The following TRIM24 variants were observed in gnomAD, a reference collection of about 807,000 sequenced individuals.
The protein encoded by TRIM24 is tripartite motif containing 24.
Under a neutral mutation model 123.9 loss-of-function variants are expected in TRIM24, and 29 were observed. The observed-to-expected ratio is 0.23, with a 90% CI of 0.17 to 0.32. The LOEUF is 0.32. Ranked by LOEUF, TRIM24 falls within the 10% of genes least tolerant of loss-of-function variation. TRIM24 has a pLI of 1.00. For synonymous variants in TRIM24, 456 were observed against 461.1 expected (o/e 0.99, Z 0.14); for missense variants, 932 against 1,295.3 (o/e 0.72, Z 4.31).
At chr7:138,541,864 C>T (rs1257155768) in intron 7 of TRIM24, among the ~76,000 whole-genome samples, 1 of 152,220 alleles carries the variant, frequency 6.6e-6, no homozygotes, top group Non-Finnish European at 1.5e-5. Context: ...CTTGGTGCTT[C>T]ACCTTGTACT....
At chr7:138,463,989 C>CATTTTTTTTTTTTTTTTTTT (rs1554429651) in intron 1 of TRIM24, among the ~76,000 whole-genome samples, 7 of 50,766 alleles carry the variant, frequency 1.4e-4, no homozygotes, top group African/African-American at 4.1e-4. Context: ...AAAATTTAGA[C>CATTTTTTTTTTTTTTTTTTT]TTTTTTTTTT....
At chr7:138,490,909 A>C in intron 1 of TRIM24, 1 of 406,514 alleles carries the variant, frequency 2.5e-6, no homozygotes, top group East Asian at 6.7e-5. Context: ...AGAGCATAAG[A>C]GATCTTCCGT....
At chr7:138,516,154 T>G (rs1026680856) in intron 3 of TRIM24, among the ~76,000 whole-genome samples, 1 of 152,124 alleles carries the variant, frequency 6.6e-6, no homozygotes, top group Admixed American at 6.5e-5. Context: ...ACAAAAAAAT[T>G]AGCTGGGCGT....
chr7:138,463,988 A>AATTTTTTTTTTTT (rs1359459460), intron 1 of TRIM24, among the ~76,000 whole-genome samples: 1 of 32,094 alleles, frequency 3.1e-5, no homozygotes, highest in East Asian at 4.8e-4. Flanking sequence ...AAAAATTTAG[A>AATTTTTTTTTTTT]CTTTTTTTTT....
At chr7:138,516,089 G>A (rs1407981910) in intron 3 of TRIM24, among the ~76,000 whole-genome samples, 1 of 152,130 alleles carries the variant, frequency 6.6e-6, no homozygotes, top group African/African-American at 2.4e-5. Context: ...CATGAGATCA[G>A]GAGATCGAGA....
intron 1 of TRIM24, among the ~76,000 whole-genome samples, chr7:138,496,619 G>A (rs1457663430): frequency 6.6e-6 from 1 of 151,944 alleles, no homozygotes; most frequent in Admixed American, 6.6e-5. Flanking sequence ...GTTCTTGAAA[G>A]TTTGTTATGG....
At chr7:138,517,614 TC>T (rs1796427709) in intron 3 of TRIM24, among the ~76,000 whole-genome samples, 1 of 152,176 alleles carries the variant, frequency 6.6e-6, no homozygotes, top group South Asian at 2.1e-4. Flanking sequence ...CCTCAAGTGA[TC>T]CACCCGCCTT....
chr7:138,569,561 A>G (rs1797611020), intron 10 of TRIM24, among the ~76,000 whole-genome samples: 1 of 152,188 alleles, frequency 6.6e-6, no homozygotes, highest in South Asian at 2.1e-4. Flanking sequence ...TACATAGAAA[A>G]AAACCTGAAA....
At chr7:138,530,118 A>G (rs990211748) in intron 6 of TRIM24, among the ~76,000 whole-genome samples, 1 of 152,168 alleles carries the variant, frequency 6.6e-6, no homozygotes, top group African/African-American at 2.4e-5. Context: ...AACAAAGACT[A>G]AAATAATTCT....
At chr7:138,532,358 T>G (rs1270774886) in intron 6 of TRIM24, among the ~76,000 whole-genome samples, 1 of 152,132 alleles carries the variant, frequency 6.6e-6, no homozygotes, top group Non-Finnish European at 1.5e-5. Flanking sequence ...GGTCTAACAT[T>G]TAAGTCTTTA....
chr7:138,551,878 TTTC>T, intron 8 of TRIM24, among the ~76,000 whole-genome samples: 1 of 152,348 alleles, frequency 6.6e-6, no homozygotes, highest in East Asian at 1.9e-4. Context: ...GACTTTTAGT[TTTC>T]TTCTTTTGCC....
chr7:138,568,124 T>A (rs1584742977), intron 10 of TRIM24, among the ~76,000 whole-genome samples: 1 of 151,932 alleles, frequency 6.6e-6, no homozygotes, highest in Non-Finnish European at 1.5e-5. Context: ...ATTTTTATTT[T>A]TTTATTTTTT....
intron 12 of TRIM24, among the ~76,000 whole-genome samples, chr7:138,574,923 C>T (rs1389001396): frequency 6.6e-6 from 1 of 151,918 alleles, no homozygotes; most frequent in Non-Finnish European, 1.5e-5. Context: ...ATAGGCAGAT[C>T]GTATTTATTA....
rs1364194524 is a variant in TRIM24 at position 138,579,515 on chromosome 7, A to T, written c.2568A>T (p.Thr856=). ...TCCATCTTTCTTGTCATGTGCCCAC[A>T]TTGACAAATTTTCCAAGGTAAGATA... ...KVFHLSCHVP[T]LTNFPSGEWI... is the part of the protein sequence containing the mutation. Residue 856 remains threonine (T), a synonymous_variant, in exon 15 of 19, where the codon ACA becomes ACT. Transcript: ENST00000343526. 6.2e-7 allele frequency: 1 copy of T among 1,603,638 alleles called. No individual in the cohort carries two copies. Among genetic ancestry groups the T allele is most frequent in the South Asian group, 1.1e-5 (1 of 89,682 alleles).
intron 15 of TRIM24, among the ~76,000 whole-genome samples, chr7:138,580,258 A>G (rs997169077): frequency 6.6e-6 from 1 of 152,192 alleles, no homozygotes; most frequent in African/African-American, 2.4e-5. Context: ...AAAAAAATTC[A>G]ATTATGCCCT....
Position 138,577,416 on chromosome 7 carries a change from A to C in TRIM24, c.2088-4A>C. On this transcript the variant is annotated splice_polypyrimidine_tract_variant and splice_region_variant and intron_variant, in intron 13 of 18. Coordinates refer to ENST00000343526, the MANE Select transcript of TRIM24 (RefSeq NM_015905.3). ...TTGCTTTTTCTTCTCTCTCATACTTACAGCTCTGGCTCTTCCAGCAAACCA... is the reference window on the plus strand; with the variant it reads ...TTGCTTTTTCTTCTCTCTCATACTTCCAGCTCTGGCTCTTCCAGCAAACCA... The C allele has an allele frequency of 6.5e-7, 1 of 1,549,216 alleles. No individual in the cohort carries two copies. The highest frequency in any genetic ancestry group is 8.7e-7 in the Non-Finnish European group (1 of 1,152,272).
chr7:138,500,418 T>C (rs1052373997), intron 1 of TRIM24, among the ~76,000 whole-genome samples: 2 of 150,628 alleles, frequency 1.3e-5, no homozygotes, highest in African/African-American at 4.9e-5. Flanking sequence ...AAAAAATTAG[T>C]GGAGTGTGGT....
intron 7 of TRIM24, among the ~76,000 whole-genome samples, 197 bp downstream of exon 7, chr7:138,539,000 CT>C (rs1554440959): frequency 6.6e-6 from 1 of 151,942 alleles, no homozygotes; most frequent in Non-Finnish European, 1.5e-5. Context: ...TCATTAATTC[CT>C]TTTTTTGTTC....
At chr7:138,537,881 AATTT>A (rs1796926858) in intron 6 of TRIM24, among the ~76,000 whole-genome samples, 1 of 152,202 alleles carries the variant, frequency 6.6e-6, no homozygotes. Context: ...AAACATTTCT[AATTT>A]GTCTGAGACA....
Sources: gnomAD v4.1 joint callset for allele counts (sites outside exome capture counted in the v4.1 genomes callset) on GRCh38, gnomAD v4.1.1 for gene constraint, MANE v1.5 for transcripts, NCBI Gene and HGNC (gene_info 2026-07-23, HGNC 2026-07-21) for gene names.